ASTN2: variants seen among roughly 807,000 people sequenced by gnomAD.
ASTN2 encodes the protein astrotactin-2.
ASTN2 carries 54 observed loss-of-function variants against 139.8 expected under a neutral mutation model. That is an observed-to-expected ratio of 0.39 (90% confidence interval 0.31 to 0.48). ASTN2 has a LOEUF of 0.48. Ranked by LOEUF, ASTN2 falls within the 20% of genes least tolerant of loss-of-function variation. The pLI, the probability that ASTN2 is intolerant of heterozygous loss-of-function variation, is 0.95. For synonymous variants in ASTN2, 756 were observed against 719.5 expected (o/e 1.05, Z -0.81); for missense variants, 1,565 against 1,725.1 (o/e 0.91, Z 1.64).
At chr9:116,673,409 G>A (rs999104504) in intron 16 of ASTN2, among the ~76,000 whole-genome samples, 1 of 152,124 alleles carries the variant, frequency 6.6e-6, no homozygotes, top group Non-Finnish European at 1.5e-5. Flanking sequence ...TATAAATGAA[G>A]AAAACAATAT....
chr9:117,402,063 C>G lies in ASTN2; in HGVS notation c.442+12434G>C, dbSNP rs1830847136. Among the ~76,000 whole-genome samples the G allele has an allele frequency of 9.2e-5, 14 of 152,252 alleles. No individual in the cohort carries two copies. In the South Asian group the frequency reaches 2.7e-3, roughly 29 times the overall value. On this transcript the variant is annotated intron_variant, in intron 1 of 22. Transcript: ENST00000313400. ...ACTATGAAAAGTTAATTCTGAAAAT[C>G]TTTTCCTGTTGTTGTTTTTTTGAGA...
chr9:117,170,913 C>A (rs1588038371), intron 3 of ASTN2, among the ~76,000 whole-genome samples: 1 of 152,182 alleles, frequency 6.6e-6, no homozygotes, highest in South Asian at 2.1e-4. Context: ...TCCACAAATA[C>A]ATGTACCAAG....
At chr9:117,099,344 G>A (rs1172920662) in intron 4 of ASTN2, among the ~76,000 whole-genome samples, 1 of 152,074 alleles carries the variant, frequency 6.6e-6, no homozygotes, top group Non-Finnish European at 1.5e-5. Flanking sequence ...AAACATTTCA[G>A]CAAAATTCTC....
intron 2 of ASTN2, among the ~76,000 whole-genome samples, chr9:117,240,301 G>T (rs1833168194): frequency 6.6e-6 from 1 of 152,144 alleles, no homozygotes; most frequent in Non-Finnish European, 1.5e-5. Context: ...GCAAAGCTGA[G>T]ATTTGAATCC....
rs372821201 is a variant in ASTN2 at position 117,299,557 on chromosome 9, G to T, written c.443-8044C>A. 1.1e-4 allele frequency among the ~76,000 whole-genome samples: 16 copies of T among 152,294 alleles called. No homozygotes were observed. In the East Asian group the frequency reaches 2.5e-3, roughly 24 times the overall value. ...GGCACAAGGGAAGGAAGGCAAGAAG[G>T]TCACAAATGTACAAAGGGATACAGT... is the stretch of plus-strand genomic sequence containing the variant. On this transcript the variant is annotated intron_variant, in intron 1 of 22. Transcript: ENST00000313400.
chr9:117,254,694 A>G (rs1168382386), intron 2 of ASTN2, among the ~76,000 whole-genome samples: 3 of 152,200 alleles, frequency 2.0e-5, no homozygotes, highest in African/African-American at 4.8e-5. Flanking sequence ...GTAATTAACT[A>G]AAATTTTTTC....
rs1009349924 is a variant in ASTN2, at chr9:116,527,134, G to C, written c.3356-39634C>G. Reference sequence around the variant, plus strand: ...GTTCCATCACATTGGTCTTGGCAATGATTTTTTAGATATGACCCCCAAAGC... The same window carrying C: ...GTTCCATCACATTGGTCTTGGCAATCATTTTTTAGATATGACCCCCAAAGC... On this transcript the variant is annotated intron_variant, in intron 19 of 22. Transcript: ENST00000313400. Among the ~76,000 whole-genome samples the C allele has an allele frequency of 1.3e-5, 2 of 152,224 alleles. 1 individual carries two copies. The highest frequency in any genetic ancestry group is 4.1e-4 in the South Asian group (2 of 4,820).
chr9:117,318,287 A>G (rs965473373), intron 1 of ASTN2, among the ~76,000 whole-genome samples: 1 of 152,178 alleles, frequency 6.6e-6, no homozygotes, highest in Non-Finnish European at 1.5e-5. Context: ...CTTATCACTA[A>G]GTTTTGTGAG....
chr9:117,065,906 T>A, intron 5 of ASTN2, among the ~76,000 whole-genome samples: 1 of 152,124 alleles, frequency 6.6e-6, no homozygotes, highest in East Asian at 1.9e-4. Flanking sequence ...TTCGTAAGTA[T>A]CTTAATGTCT....
chr9:117,011,956 A>G (rs1837549672), intron 6 of ASTN2, among the ~76,000 whole-genome samples: 1 of 152,140 alleles, frequency 6.6e-6, no homozygotes, highest in Admixed American at 6.6e-5. Flanking sequence ...TTTAGTGCAT[A>G]TCATGTAGAG....
Position 117,414,948 on chromosome 9 carries a change from G to A in ASTN2, c.-10C>T. 3.4e-6 allele frequency: 1 copy of A among 293,680 alleles called. No individual in the cohort carries two copies. Among genetic ancestry groups the A allele is most frequent in the Non-Finnish European group, 5.4e-6 (1 of 183,770 alleles). The allele number at this position is 293,680 out of a possible 1,614,324, so 18.2% of individuals were successfully genotyped here. ...CGCCGGCGGCGGCCATGGCGGGAGGGGCTGCGGTGCTGCGGGCGGCGGCGG... is the reference window on the plus strand; with the variant it reads ...CGCCGGCGGCGGCCATGGCGGGAGGAGCTGCGGTGCTGCGGGCGGCGGCGG... On this transcript the variant is annotated 5_prime_UTR_variant, in exon 1 of 23. Transcript: ENST00000313400. This position sits in a 1 kb window ranked among gnomAD's most constrained non-coding sequence, Gnocchi z 4.2.
At chr9:117,140,672 A>AGAGAAGGAGAAG (rs199508723) in intron 4 of ASTN2, among the ~76,000 whole-genome samples, 3 of 151,662 alleles carry the variant, frequency 2.0e-5, no homozygotes, top group African/African-American at 7.3e-5. Context: ...AGAGAAGAGA[A>AGAGAAGGAGAAG]GAGAAGGAGA....
At chr9:117,336,736 G>A (rs1174471652) in intron 1 of ASTN2, among the ~76,000 whole-genome samples, 4 of 152,118 alleles carry the variant, frequency 2.6e-5, no homozygotes, top group African/African-American at 9.6e-5. Context: ...TGGTTTAAAG[G>A]ACCATCCACA....
At chr9:116,803,637 G>T (rs1452229582) in intron 13 of ASTN2, among the ~76,000 whole-genome samples, 2 of 149,020 alleles carry the variant, frequency 1.3e-5, no homozygotes, top group African/African-American at 4.9e-5. Context: ...CTATTCTCCT[G>T]CCTCAGCCTC....
At chr9:117,026,517 T>G (rs1838089490) in intron 6 of ASTN2, among the ~76,000 whole-genome samples, 1 of 152,136 alleles carries the variant, frequency 6.6e-6, no homozygotes, top group South Asian at 2.1e-4. Flanking sequence ...TCTTTGACTC[T>G]TCCTCTTCCT....
In ASTN2 at chr9:117,253,410, A is replaced by G. The variant is rs866734311; in HGVS notation, c.630+37916T>C. ...CAGGCTAGGGACCAATCCCAGAGAC[A>G]TTTCCTTGGCCACCACCAAGGCTGT... On this transcript the variant is annotated intron_variant, in intron 2 of 22. Coordinates refer to ENST00000313400, the MANE Select transcript of ASTN2 (RefSeq NM_001365068.1). 4.6e-5 allele frequency among the ~76,000 whole-genome samples: 7 copies of G among 152,270 alleles called. No homozygotes were observed. The South Asian group carries it at 8.3e-4, about 18-fold the overall frequency.
chr9:116,724,104 C>T (rs1828549994), intron 16 of ASTN2, among the ~76,000 whole-genome samples: 1 of 152,184 alleles, frequency 6.6e-6, no homozygotes, highest in Non-Finnish European at 1.5e-5. Context: ...AGAGTAGTGT[C>T]CCAAGCCCCA....
chr9:117,127,506 G>T (rs1454801918), intron 4 of ASTN2, among the ~76,000 whole-genome samples: 1 of 151,962 alleles, frequency 6.6e-6, no homozygotes. Flanking sequence ...TGGCCCAATG[G>T]GTTCATCTTG....
At chr9:116,574,667 A>T (rs1352713892) in intron 19 of ASTN2, among the ~76,000 whole-genome samples, 1 of 152,198 alleles carries the variant, frequency 6.6e-6, no homozygotes, top group African/African-American at 2.4e-5. Flanking sequence ...TTCTCCTTTC[A>T]ATAAGTCAAG....
Sources: gnomAD v4.1 joint callset for allele counts (sites outside exome capture counted in the v4.1 genomes callset) on GRCh38, gnomAD v4.1.1 for gene constraint, Gnocchi (gnomAD v3.1) non-coding constraint, MANE v1.5 for transcripts, NCBI Gene and HGNC (gene_info 2026-07-23, HGNC 2026-07-21) for gene names.